PTPRM: variants seen among roughly 807,000 people sequenced by gnomAD.
PTPRM encodes the protein receptor-type tyrosine-protein phosphatase mu.
PTPRM carries 47 observed loss-of-function variants against 186.7 expected under a neutral mutation model. The ratio of observed to expected loss-of-function variants is 0.25; its 90% confidence interval spans 0.20 to 0.32. The LOEUF (loss-of-function observed/expected upper bound fraction) is 0.32, where lower values mean the gene tolerates loss of function less well. Ranked by LOEUF, PTPRM falls within the 10% of genes least tolerant of loss-of-function variation. PTPRM has a pLI of 1.00. For synonymous variants in PTPRM, 668 were observed against 674.9 expected (o/e 0.99, Z 0.16); for missense variants, 1,494 against 1,865.0 (o/e 0.80, Z 3.66).
intron 1 of PTPRM, among the ~76,000 whole-genome samples, chr18:7,631,867 G>T (rs750884423): frequency 6.6e-6 from 1 of 152,170 alleles, no homozygotes. Context: ...CTACAGATCT[G>T]TCAAGGATAA....
At chr18:7,961,720 T>G (rs2053692746) in intron 7 of PTPRM, among the ~76,000 whole-genome samples, 2 of 152,188 alleles carry the variant, frequency 1.3e-5, no homozygotes, top group Non-Finnish European at 2.9e-5. Flanking sequence ...ATAGGAGTGA[T>G]GTATTAGAAG....
At chr18:8,256,030 A>G (rs902031385) in intron 19 of PTPRM, among the ~76,000 whole-genome samples, 3 of 152,240 alleles carry the variant, frequency 2.0e-5, no homozygotes, top group Non-Finnish European at 4.4e-5. Flanking sequence ...GGGAGGTGTT[A>G]TTCTCATGAG....
At chr18:7,899,320 T>A (rs1474522857) in intron 3 of PTPRM, among the ~76,000 whole-genome samples, 1 of 152,172 alleles carries the variant, frequency 6.6e-6, no homozygotes, top group Non-Finnish European at 1.5e-5. Flanking sequence ...CAACTCACAT[T>A]TTTTGCTGCT....
intron 3 of PTPRM, among the ~76,000 whole-genome samples, chr18:7,900,913 A>G (rs1340931691): frequency 6.6e-6 from 1 of 152,188 alleles, no homozygotes; most frequent in African/African-American, 2.4e-5. Context: ...AGAAATTCAA[A>G]CCTTCTAATA....
intron 2 of PTPRM, among the ~76,000 whole-genome samples, chr18:7,869,172 T>G (rs1342902228): frequency 2.6e-5 from 4 of 152,194 alleles, no homozygotes; most frequent in Non-Finnish European, 5.9e-5. Context: ...CTACTTGGCT[T>G]CCTGGCTTCA....
chr18:7,863,841 C>T (rs2047523988), intron 2 of PTPRM, among the ~76,000 whole-genome samples: 1 of 152,182 alleles, frequency 6.6e-6, no homozygotes, highest in Non-Finnish European at 1.5e-5. Context: ...TCCTATTTCT[C>T]CACATCCTCT....
chr18:8,082,109 C>A (rs777299087), intron 9 of PTPRM, among the ~76,000 whole-genome samples: 7 of 152,040 alleles, frequency 4.6e-5, no homozygotes, highest in Non-Finnish European at 8.8e-5. Context: ...TGCACACACC[C>A]GCTCTCCCCA....
chr18:7,965,074 G>C (rs915751678), intron 7 of PTPRM, among the ~76,000 whole-genome samples: 13 of 81,326 alleles, frequency 1.6e-4, no homozygotes, highest in South Asian at 8.3e-4. Flanking sequence ...TTTCGCTCTT[G>C]TGTACCCAGG....
intron 7 of PTPRM, among the ~76,000 whole-genome samples, chr18:8,043,663 C>T (rs9950590): frequency 0.023 from 3,483 of 152,082 alleles, 127 homozygotes; most frequent in African/African-American, 0.079. Context: ...CCTCCCCAAC[C>T]CTCTTCCCTC....
intron 1 of PTPRM, among the ~76,000 whole-genome samples, chr18:7,736,963 C>T (rs2040783807): frequency 6.6e-6 from 1 of 152,054 alleles, no homozygotes; most frequent in African/African-American, 2.4e-5. Context: ...TGTCACCGTG[C>T]CCAGCTAATT....
chr18:7,657,647 G>A (rs190858320), intron 1 of PTPRM, among the ~76,000 whole-genome samples: 115 of 152,252 alleles, frequency 7.6e-4, no homozygotes, highest in African/African-American at 2.7e-3. Flanking sequence ...CCATGAAAGG[G>A]GCATACGATT....
chr18:7,633,118 A>G (rs938394078), intron 1 of PTPRM, among the ~76,000 whole-genome samples: 1 of 152,192 alleles, frequency 6.6e-6, no homozygotes, highest in Admixed American at 6.5e-5. Flanking sequence ...TCAGAGTGCC[A>G]TGTGCAATGA....
chr18:8,243,231 A>G (rs1412626301), intron 14 of PTPRM, among the ~76,000 whole-genome samples: 1 of 152,190 alleles, frequency 6.6e-6, no homozygotes, highest in East Asian at 1.9e-4. Context: ...AGAGGCCAGG[A>G]TTAACCTATG....
At chr18:7,961,856 G>A (rs890126790) in intron 7 of PTPRM, among the ~76,000 whole-genome samples, 14 of 152,124 alleles carry the variant, frequency 9.2e-5, no homozygotes, top group African/African-American at 2.9e-4. Context: ...ATCTGTCTGC[G>A]TAGAGCTATA....
chr18:7,736,328 A>C (rs375724992), intron 1 of PTPRM, among the ~76,000 whole-genome samples: 2 of 151,938 alleles, frequency 1.3e-5, no homozygotes, highest in Non-Finnish European at 2.9e-5. Context: ...TTTTTATTTT[A>C]ATTTTTTTTG....
At chr18:7,780,752 G>A (rs1157646063) in intron 2 of PTPRM, among the ~76,000 whole-genome samples, 6 of 152,166 alleles carry the variant, frequency 3.9e-5, no homozygotes, top group African/African-American at 1.4e-4. Context: ...TGCCAAGAGT[G>A]CTGAAGAGGA....
intron 1 of PTPRM, among the ~76,000 whole-genome samples, chr18:7,736,058 C>T (rs2040764866): frequency 6.6e-6 from 1 of 152,028 alleles, no homozygotes; most frequent in Non-Finnish European, 1.5e-5. Flanking sequence ...CATATGTTCT[C>T]AGGACCTCCG....
intron 7 of PTPRM, among the ~76,000 whole-genome samples, chr18:7,991,127 T>C (rs2083246344): frequency 6.6e-6 from 1 of 152,194 alleles, no homozygotes; most frequent in Admixed American, 6.5e-5. Flanking sequence ...TTCCATGACC[T>C]TAAGAAGGAT....
chr18:8,240,618 G>GGAGAGAGAGA (rs372227037), intron 14 of PTPRM, among the ~76,000 whole-genome samples: 8 of 34,820 alleles, frequency 2.3e-4, no homozygotes, highest in African/African-American at 1.1e-3. Flanking sequence ...AGAGAGGGAG[G>GGAGAGAGAGA]GAGAGAGAGA....
Sources: gnomAD v4.1 joint callset for allele counts (sites outside exome capture counted in the v4.1 genomes callset) on GRCh38, gnomAD v4.1.1 for gene constraint, MANE v1.5 for transcripts, NCBI Gene and HGNC (gene_info 2026-07-23, HGNC 2026-07-21) for gene names.